The following HMGCS1 variants were observed in gnomAD, a reference collection of about 807,000 sequenced individuals.
HMGCS1 encodes hydroxymethylglutaryl-CoA synthase, cytoplasmic.
A neutral mutation model predicts 52.3 loss-of-function variants in HMGCS1; 9 were observed. That is an observed-to-expected ratio of 0.17 (90% confidence interval 0.10 to 0.30). The LOEUF (loss-of-function observed/expected upper bound fraction) is 0.30, where lower values mean the gene tolerates loss of function less well. Among genes scored for constraint, HMGCS1 ranks in the 10% least tolerant of loss-of-function variants. The pLI is 1.00. For missense variants in HMGCS1, 320 were observed against 620.9 expected (o/e 0.52, Z 5.15); for synonymous variants, 176 against 214.4 (o/e 0.82, Z 1.57).
Position 43,294,108 on chromosome 5 carries a change from A to C in HMGCS1, c.1131T>G (p.Ser377=). Residue 377 remains serine, a synonymous_variant, in exon 8 of 11, where the codon TCT becomes TCG. Coordinates refer to ENST00000325110, the MANE Select transcript of HMGCS1 (RefSeq NM_001098272.3). ...GAGAGTACAGAGTGGCAGCCAAACCAGAACCATAAGAAAACACTCCAATTC... is the reference window on the plus strand; with the variant it reads ...GAGAGTACAGAGTGGCAGCCAAACCCGAACCATAAGAAAACACTCCAATTC... The part of the protein sequence containing the change: ...GKRIGVFSYG[S]GLAATLYSLK... 6.2e-7 allele frequency: 1 copy of C among 1,613,678 alleles called. No homozygotes were observed.
intron 10 of HMGCS1, among the ~76,000 whole-genome samples, 187 bp downstream of exon 10, chr5:43,292,287 G>C (rs915193391): frequency 6.6e-6 from 1 of 151,990 alleles, no homozygotes; most frequent in Non-Finnish European, 1.5e-5. Flanking sequence ...CACCGCACCC[G>C]GCCTTTACTG....
Position 43,294,044 on chromosome 5 carries a change from T to G in HMGCS1, c.1183+12A>C. On this transcript the variant is annotated intron_variant, in intron 8 of 10. Transcript: ENST00000325110. ...TTCTCAATACATTCTTGTTGAAAGA[T>G]TCAGCACTTACCCGGTGTAGCATCT... The G allele has an allele frequency of 6.6e-7, 1 of 1,519,366 alleles. No homozygotes were observed. The highest frequency in any genetic ancestry group is 9.1e-7 in the Non-Finnish European group (1 of 1,093,638). 94.1% of individuals were successfully genotyped at this position (1,519,366 alleles called of 1,614,324 possible).
Position 43,298,401 on chromosome 5 carries a change from T to A in HMGCS1, c.448+117A>T. On this transcript the variant is annotated intron_variant, in intron 3 of 10. Coordinates refer to ENST00000325110, the MANE Select transcript of HMGCS1 (RefSeq NM_001098272.3). The surrounding 1 kb of genome is among the most constrained non-coding windows in gnomAD (Gnocchi z 5.6). ...CAGGTAAAATATCTTTCTTAATATATCCAAACAAGGACAAATTACAAAAGT... is the reference window on the plus strand; with the variant it reads ...CAGGTAAAATATCTTTCTTAATATAACCAAACAAGGACAAATTACAAAAGT... 1 of 750,580 alleles carries A rather than the reference T, an allele frequency of 1.3e-6. No individual in the cohort carries two copies. Among genetic ancestry groups the A allele is most frequent in the Non-Finnish European group, 2.2e-6 (1 of 461,020 alleles). 46.5% of individuals were successfully genotyped at this position (750,580 alleles called of 1,614,324 possible). A position where few individuals can be genotyped will look rare whatever the true frequency, so the allele number is the denominator to read the frequency against.
intron 5 of HMGCS1, among the ~76,000 whole-genome samples, chr5:43,296,587 A>G (rs977471197): frequency 2.6e-5 from 4 of 152,218 alleles, no homozygotes; most frequent in Admixed American, 2.6e-4. Context: ...AAAAAAACAA[A>G]TACAAATTCA....
At position 43,294,834 on chromosome 5, in the gene HMGCS1, A is replaced by G; in HGVS notation, c.933T>C (p.Phe311=). The G allele has an allele frequency of 6.2e-7, 1 of 1,608,896 alleles. No individual in the cohort carries two copies. Among genetic ancestry groups the G allele is most frequent in the Non-Finnish European group, 8.5e-7 (1 of 1,177,028 alleles). ...FGDVKLEDTY[F]DRDVEKAFMK... ...TAAATGCCTTCTCCACATCTCTATC[A>G]AAGTAGGTGTCTTCTAATTTAACAT... Residue 311 remains phenylalanine (F), a synonymous_variant, in exon 7 of 11, where the codon TTT becomes TTC. Transcript: ENST00000325110.
intron 2 of HMGCS1, among the ~76,000 whole-genome samples, chr5:43,304,497 C>T (rs1156561843): frequency 6.6e-6 from 1 of 152,228 alleles, no homozygotes; most frequent in Non-Finnish European, 1.5e-5. Flanking sequence ...CCTTATAATG[C>T]TTGTACAATT....
intron 1 of HMGCS1, among the ~76,000 whole-genome samples, chr5:43,309,927 T>G (rs1754776967): frequency 6.6e-6 from 1 of 152,130 alleles, no homozygotes; most frequent in African/African-American, 2.4e-5. Context: ...TCTTCTGGAG[T>G]TTACTCAGTG....
At chr5:43,296,627 G>T (rs920492116) in intron 5 of HMGCS1, among the ~76,000 whole-genome samples, 15 of 152,054 alleles carry the variant, frequency 9.9e-5, no homozygotes, top group Non-Finnish European at 2.2e-4. Flanking sequence ...TTATTTTTGG[G>T]GTAAGATCAC....
In HMGCS1 at chr5:43,308,629, T is replaced by A. The variant is rs368950169; in HGVS notation, c.-69-805A>T. On this transcript the variant is annotated intron_variant, in intron 1 of 10. Coordinates refer to ENST00000325110, the MANE Select transcript of HMGCS1 (RefSeq NM_001098272.3). ...ATAATTTGCGAAGGTGACTGGAACA[T>A]ATTCTTCAGTCCATCTGTTTTGAAA... Among the ~76,000 whole-genome samples the A allele has an allele frequency of 1.1e-4, 16 of 152,286 alleles. No individual in the cohort carries two copies. The East Asian group carries it at 1.9e-3, about 18-fold the overall frequency.
chr5:43,310,769 T>C (rs551176748), intron 1 of HMGCS1, among the ~76,000 whole-genome samples: 3 of 152,234 alleles, frequency 2.0e-5, no homozygotes, highest in Non-Finnish European at 4.4e-5. Context: ...GGCTCTTTAC[T>C]GCTACTGTTC....
chr5:43,292,902 C>G lies in HMGCS1; in HGVS notation c.1255G>C (p.Ala419Pro). Reference sequence around the variant, plus strand: ...ATGTTTTCAGCGAAGACATCTGGTGCCACACCAGTTCTTGAATCAAGCCTT... The same window carrying G: ...ATGTTTTCAGCGAAGACATCTGGTGGCACACCAGTTCTTGAATCAAGCCTT... ...KSRLDSRTGVAPDVFAENMKL... is the reference protein window; with the variant it reads ...KSRLDSRTGVPPDVFAENMKL... Residue 419 changes from alanine (A) to proline (P), a missense_variant, in exon 9 of 11, where the codon GCA (alanine) becomes CCA (proline). By Grantham distance (27) the Ala-to-Pro change is conservative. Transcript: ENST00000325110. The G allele has an allele frequency of 6.2e-7, 1 of 1,609,868 alleles. No individual in the cohort carries two copies. Among genetic ancestry groups the G allele is most frequent in the East Asian group, 2.2e-5 (1 of 44,828 alleles).
Position 43,290,092 on chromosome 5 carries a change from CAA to C in HMGCS1, c.*1037_*1038del, listed in dbSNP as rs879117446. 56 of 96,666 alleles carry C rather than the reference CAA, an allele frequency of 5.8e-4. No individual in the cohort carries two copies. Among genetic ancestry groups the C allele is most frequent in the Non-Finnish European group, 7.0e-4 (31 of 44,356 alleles). The allele number at this position is 96,666 out of a possible 1,614,324, so 6.0% of individuals were successfully genotyped here. ...TACCTTATTTTCATTGAACAGATAC[CAA>C]AAAAAAAAAAAAAAGGAAAAGGAAA... is the stretch of plus-strand genomic sequence containing the variant. On this transcript the variant is annotated 3_prime_UTR_variant, in exon 11 of 11. Transcript: ENST00000325110.
rs567711564 is a variant in HMGCS1, at chr5:43,288,598, T to G, written c.*2533A>C. 15 of 152,186 alleles carry G rather than the reference T, an allele frequency of 9.9e-5. No homozygotes were observed. In the South Asian group the frequency reaches 3.1e-3, roughly 32 times the overall value. The allele number at this position is 152,186 out of a possible 1,614,324, so 9.4% of individuals were successfully genotyped here. On this transcript the variant is annotated 3_prime_UTR_variant, in exon 11 of 11. Coordinates refer to ENST00000325110, the MANE Select transcript of HMGCS1 (RefSeq NM_001098272.3). ...AAAATAAAAACTTAGGACAAAAGGT[T>G]AAGTGTACAAATAGAGGAAACACAC...
At chr5:43,299,776 T>C (rs935498237) in intron 2 of HMGCS1, among the ~76,000 whole-genome samples, 12 of 152,144 alleles carry the variant, frequency 7.9e-5, no homozygotes, top group African/African-American at 1.9e-4. Flanking sequence ...TACTTACCAA[T>C]AGCAACAAAA....
At chr5:43,313,131 C>G (rs575995672) in intron 1 of HMGCS1, 86 of 152,534 alleles carry the variant, frequency 5.6e-4, no homozygotes, top group Admixed American at 1.2e-3. Context: ...CCTGTGTTCT[C>G]GGATCTTCTC....
chr5:43,303,938 T>C (rs1754441158), intron 2 of HMGCS1, among the ~76,000 whole-genome samples: 1 of 152,244 alleles, frequency 6.6e-6, no homozygotes, highest in Non-Finnish European at 1.5e-5. Flanking sequence ...GGAGGACTAC[T>C]GATTTTCTGG....
Position 43,298,055 on chromosome 5 carries a change from T to C in HMGCS1, c.528A>G (p.Ala176=). 6.2e-7 allele frequency: 1 copy of C among 1,613,860 alleles called. No individual in the cohort carries two copies. The highest frequency in any genetic ancestry group is 8.5e-7 in the Non-Finnish European group (1 of 1,179,796). The change falls in exon 4 of 11, where the codon GCA becomes GCG. Residue 176 remains alanine, a synonymous_variant. Transcript: ENST00000325110. This position sits in a 1 kb window ranked among gnomAD's most constrained non-coding sequence, Gnocchi z 5.6. ...CATTTGGCCCAATTAGCAGAGCTAC[T>C]GCTCCAACTCCACCTGTAGGTCTAG... ...GNARPTGGVG[A]VALLIGPNAP...
intron 1 of HMGCS1, among the ~76,000 whole-genome samples, chr5:43,309,258 C>T (rs1754735918): frequency 6.8e-6 from 1 of 147,364 alleles, no homozygotes; most frequent in African/African-American, 2.5e-5. Context: ...TTTTTTGAGA[C>T]AGGGTCTCCC....
Position 43,297,061 on chromosome 5 carries a change from C to G in HMGCS1, c.680G>C (p.Ser227Thr), listed in dbSNP as rs199674078. The G allele has an allele frequency of 3.2e-5, 51 of 1,613,780 alleles. 1 individual carries two copies. In the Admixed American group the frequency reaches 8.3e-4, roughly 26 times the overall value. The change falls in exon 5 of 11, where the codon AGT becomes ACT. Residue 227 changes from serine to threonine, a missense_variant. By Grantham distance (58) the Ser-to-Thr change is moderately conservative. Coordinates refer to ENST00000325110, the MANE Select transcript of HMGCS1 (RefSeq NM_001098272.3). ...GACAGAATAGCAGCGGTCTAATGCA[C>G]TGAGGTAGCACTGTATGGAGAGTTT... is the stretch of plus-strand genomic sequence containing the variant. ...DGKLSIQCYL[S>T]ALDRCYSVYC...
Sources: allele counts gnomAD v4.1 joint callset (sites outside exome capture counted in the v4.1 genomes callset), GRCh38; gene constraint gnomAD v4.1.1; non-coding constraint Gnocchi (gnomAD v3.1); transcripts MANE v1.5; gene names NCBI Gene and HGNC (gene_info 2026-07-23, HGNC 2026-07-21).